The following CELF2 variants were observed in gnomAD, a reference collection of about 807,000 sequenced individuals.
CELF2 encodes CUGBP Elav-like family member 2.
A neutral mutation model predicts 62.6 loss-of-function variants in CELF2; 8 were observed. The ratio of observed to expected loss-of-function variants is 0.13; its 90% CI spans 0.07 to 0.23. The LOEUF (loss-of-function observed/expected upper bound fraction) is 0.23. Ranked by LOEUF, CELF2 falls within the 10% of genes least tolerant of loss-of-function variation. The pLI, the probability that CELF2 is intolerant of heterozygous loss-of-function variation, is 1.00. For synonymous variants in CELF2, 258 were observed against 250.0 expected (o/e 1.03, Z -0.30); for missense variants, 333 against 671.0 (o/e 0.50, Z 5.56).
At chr10:10,984,141 C>T (rs867562866) in intron 2 of CELF2, among the ~76,000 whole-genome samples, 4 of 152,152 alleles carry the variant, frequency 2.6e-5, no homozygotes, top group African/African-American at 9.7e-5. Flanking sequence ...GCGAGGTATG[C>T]GTTATCCCCA....
At chr10:11,128,378 C>G (rs2059068042) in intron 1 of CELF2, among the ~76,000 whole-genome samples, 1 of 152,098 alleles carries the variant, frequency 6.6e-6, no homozygotes, top group Non-Finnish European at 1.5e-5. Context: ...TTTTTTGGTT[C>G]CATATGAACT....
At chr10:11,195,928 G>A (rs1274619834) in intron 2 of CELF2, among the ~76,000 whole-genome samples, 1 of 151,922 alleles carries the variant, frequency 6.6e-6, no homozygotes, top group Admixed American at 6.6e-5. Context: ...ATTCACAGAT[G>A]CAGTCACAAA....
chr10:10,716,995 A>T, the CELF2 span, among the ~76,000 whole-genome samples: 7 of 152,318 alleles, frequency 4.6e-5, no homozygotes, highest in South Asian at 1.4e-3. Context: ...GCATGCGGGC[A>T]CGTGAATCAG....
At chr10:10,686,423 T>A in the CELF2 span, among the ~76,000 whole-genome samples, 1 of 152,006 alleles carries the variant, frequency 6.6e-6, no homozygotes, top group African/African-American at 2.4e-5. Context: ...GGCAGGGTTG[T>A]GATCACCGCA....
At chr10:11,131,066 T>A (rs1287693091) in intron 1 of CELF2, among the ~76,000 whole-genome samples, 3 of 152,244 alleles carry the variant, frequency 2.0e-5, no homozygotes, top group Admixed American at 1.3e-4. Context: ...TTTGAATCAC[T>A]TGTATTACAT....
At chr10:10,530,134 C>T in the CELF2 span, among the ~76,000 whole-genome samples, 1 of 152,080 alleles carries the variant, frequency 6.6e-6, no homozygotes, top group Non-Finnish European at 1.5e-5. Flanking sequence ...GGCTAGTCTG[C>T]AGTGCAAAGC....
intron 2 of CELF2, among the ~76,000 whole-genome samples, chr10:10,978,737 GC>G (rs1246922289): frequency 6.6e-6 from 1 of 152,136 alleles, no homozygotes; most frequent in Non-Finnish European, 1.5e-5. Context: ...TATATGGTAG[GC>G]CAATACCCTA....
chr10:10,706,242 T>A, the CELF2 span, among the ~76,000 whole-genome samples: 2 of 152,216 alleles, frequency 1.3e-5, no homozygotes, highest in African/African-American at 4.8e-5. Context: ...TACATCATGT[T>A]GCTTTGATGA....
intron 1 of CELF2, among the ~76,000 whole-genome samples, chr10:11,154,496 GGT>G (rs1467945603): frequency 1.3e-5 from 2 of 152,238 alleles, no homozygotes; most frequent in Non-Finnish European, 2.9e-5. Context: ...TGCAGGATGA[GGT>G]GGCCTGCAGA....
intron 1 of CELF2, among the ~76,000 whole-genome samples, chr10:10,810,417 A>G (rs974162364): frequency 6.6e-6 from 1 of 152,144 alleles, no homozygotes; most frequent in Non-Finnish European, 1.5e-5. Context: ...GGTGAACTAA[A>G]TATCTGTTTC....
At chr10:11,210,797 C>G (rs933820691) in intron 2 of CELF2, among the ~76,000 whole-genome samples, 1 of 152,100 alleles carries the variant, frequency 6.6e-6, no homozygotes, top group Non-Finnish European at 1.5e-5. Flanking sequence ...CTGCAGCTGA[C>G]GAGCCAGTGT....
intron 8 of CELF2, among the ~76,000 whole-genome samples, chr10:11,281,488 G>T (rs1402912090): frequency 6.6e-6 from 1 of 152,190 alleles, no homozygotes; most frequent in African/African-American, 2.4e-5. Context: ...GGCCAGGTGT[G>T]GCGGCTCACA....
chr10:10,772,953 A>G, the CELF2 span, among the ~76,000 whole-genome samples: 1 of 152,196 alleles, frequency 6.6e-6, no homozygotes, highest in East Asian at 1.9e-4. Flanking sequence ...TATATAGTAG[A>G]AGAAAATTTA....
the CELF2 span, among the ~76,000 whole-genome samples, chr10:10,664,743 G>A: frequency 6.6e-6 from 1 of 152,178 alleles, no homozygotes; most frequent in Admixed American, 6.5e-5. Flanking sequence ...TGCCGTTACG[G>A]TAGTAGCCCC....
chr10:10,869,507 A>G (rs1191689225), intron 1 of CELF2, among the ~76,000 whole-genome samples: 1 of 152,100 alleles, frequency 6.6e-6, no homozygotes, highest in Non-Finnish European at 1.5e-5. Context: ...GGTTGCAGTG[A>G]ACCAAGATCA....
intron 1 of CELF2, among the ~76,000 whole-genome samples, chr10:11,057,379 G>A (rs990175457): frequency 6.6e-6 from 1 of 152,172 alleles, no homozygotes; most frequent in African/African-American, 2.4e-5. Flanking sequence ...TTTTAAGAAT[G>A]CCTTGAAATA....
chr10:11,252,532 T>C (rs1161209667), intron 4 of CELF2, among the ~76,000 whole-genome samples: 2 of 152,224 alleles, frequency 1.3e-5, no homozygotes, highest in African/African-American at 4.8e-5. Context: ...TTGGCAGCTT[T>C]CGTCCATCGA....
chr10:11,202,242 G>A (rs564035600), intron 2 of CELF2, among the ~76,000 whole-genome samples: 6 of 152,230 alleles, frequency 3.9e-5, no homozygotes, highest in South Asian at 2.1e-4. Flanking sequence ...AATCTTCGGG[G>A]CATTTTTTTC....
At chr10:10,865,853 G>T (rs2060324435) in intron 1 of CELF2, among the ~76,000 whole-genome samples, 1 of 151,488 alleles carries the variant, frequency 6.6e-6, no homozygotes, top group South Asian at 2.1e-4. Context: ...GTGAAGATAA[G>T]CCTGTTTGAG....
Sources: gnomAD v4.1 joint callset for allele counts (sites outside exome capture counted in the v4.1 genomes callset) on GRCh38, gnomAD v4.1.1 for gene constraint, MANE v1.5 for transcripts, NCBI Gene and HGNC (gene_info 2026-07-23, HGNC 2026-07-21) for gene names.